GRIP1: variants seen among roughly 807,000 people sequenced by gnomAD.
GRIP1 encodes glutamate receptor-interacting protein 1.
A neutral mutation model predicts 129.9 loss-of-function variants in GRIP1; 45 were observed. That is an observed-to-expected ratio of 0.35 (90% CI 0.27 to 0.44). The LOEUF (loss-of-function observed/expected upper bound fraction) is 0.44, where lower values mean the gene tolerates loss of function less well. Among genes scored for constraint, GRIP1 ranks in the 20% least tolerant of loss-of-function variants. The pLI is 1.00. For synonymous variants in GRIP1, 530 were observed against 520.8 expected (o/e 1.02, Z -0.24); for missense variants, 1,196 against 1,396.8 (o/e 0.86, Z 2.29).
intron 11 of GRIP1, among the ~76,000 whole-genome samples, chr12:66,453,044 G>A (rs142408518): frequency 1.2e-4 from 19 of 152,130 alleles, no homozygotes; most frequent in Non-Finnish European, 1.5e-5. Flanking sequence ...AATGTCTACA[G>A]CAAACACAAA....
chr12:66,780,134 C>A (rs976162415), intron 1 of GRIP1, among the ~76,000 whole-genome samples: 3 of 152,122 alleles, frequency 2.0e-5, no homozygotes, highest in African/African-American at 7.2e-5. Context: ...GGTCAAAACC[C>A]TAAGGACAAC....
At chr12:67,053,896 T>C (rs1035958446) in intron 1 of GRIP1, among the ~76,000 whole-genome samples, 2 of 152,070 alleles carry the variant, frequency 1.3e-5, no homozygotes, top group East Asian at 3.9e-4. Flanking sequence ...TTAAAAATCA[T>C]GTGGATCCTC....
chr12:66,800,453 G>A (rs555786224), intron 1 of GRIP1, among the ~76,000 whole-genome samples: 2 of 152,264 alleles, frequency 1.3e-5, no homozygotes, highest in Non-Finnish European at 1.5e-5. Context: ...TCTTTCTCAA[G>A]TAATTCAGCT....
intron 7 of GRIP1, among the ~76,000 whole-genome samples, chr12:66,505,567 A>G (rs984511596): frequency 6.6e-5 from 10 of 152,226 alleles, no homozygotes; most frequent in African/African-American, 2.2e-4. Context: ...ATTTTGCTAC[A>G]ATGTAATAGA....
At chr12:66,678,808 T>C (rs747133200) in intron 1 of GRIP1, 42 bp downstream of exon 1, 1 of 1,574,798 alleles carries the variant, frequency 6.4e-7, no homozygotes, top group Admixed American at 1.7e-5. Context: ...TATAGGATAC[T>C]GCAACAGACT....
intron 1 of GRIP1, among the ~76,000 whole-genome samples, chr12:66,626,090 C>T (rs967415643): frequency 1.3e-5 from 2 of 151,974 alleles, no homozygotes; most frequent in African/African-American, 2.4e-5. Context: ...TTTGGGAGGC[C>T]GACGTGGGCA....
At chr12:66,959,297 G>T (rs2041888698) in intron 1 of GRIP1, among the ~76,000 whole-genome samples, 1 of 151,446 alleles carries the variant, frequency 6.6e-6, no homozygotes, top group South Asian at 2.1e-4. Flanking sequence ...GTTTTGTTTG[G>T]TTTTTTGCTT....
chr12:66,871,697 T>C (rs1023815642), intron 1 of GRIP1, among the ~76,000 whole-genome samples: 1 of 152,068 alleles, frequency 6.6e-6, no homozygotes, highest in African/African-American at 2.4e-5. Context: ...GCCTAAAGGG[T>C]AAAGACTGCA....
intron 9 of GRIP1, among the ~76,000 whole-genome samples, chr12:66,460,167 A>G (rs994057530): frequency 1.3e-5 from 2 of 152,172 alleles, no homozygotes; most frequent in Admixed American, 1.3e-4. Context: ...ACGTGATCCT[A>G]AAGTCCCCGC....
chr12:66,597,054 C>A, intron 1 of GRIP1, 127 bp from the exon 2 acceptor site: 1 of 754,794 alleles, frequency 1.3e-6, no homozygotes. Context: ...GTCGGTAGGC[C>A]TGGGTCCTAT....
intron 23 of GRIP1, among the ~76,000 whole-genome samples, chr12:66,366,446 G>A (rs1310690612): frequency 1.3e-5 from 2 of 152,184 alleles, no homozygotes; most frequent in African/African-American, 4.8e-5. Flanking sequence ...ACTGAACTTG[G>A]CAGGGGGAAA....
At chr12:66,645,914 T>C (rs1453873410) in intron 1 of GRIP1, among the ~76,000 whole-genome samples, 1 of 152,186 alleles carries the variant, frequency 6.6e-6, no homozygotes, top group Non-Finnish European at 1.5e-5. Context: ...TGTAAGCGTC[T>C]AGGGCTTCGG....
chr12:66,365,570 C>G (rs1300889633), intron 23 of GRIP1, among the ~76,000 whole-genome samples: 6 of 152,216 alleles, frequency 3.9e-5, no homozygotes, highest in Non-Finnish European at 8.8e-5. Context: ...TTATTTAAAG[C>G]ATACAAGCCA....
intron 23 of GRIP1, among the ~76,000 whole-genome samples, chr12:66,365,004 T>C (rs1164761202): frequency 6.6e-6 from 1 of 152,210 alleles, no homozygotes; most frequent in African/African-American, 2.4e-5. Flanking sequence ...TCATTTTCTC[T>C]GACTTACAGA....
In GRIP1 at chr12:66,455,451, T is replaced by C; in HGVS notation, c.1312A>G (p.Met438Val). 1 of 1,614,108 alleles carries C rather than the reference T, an allele frequency of 6.2e-7. No homozygotes were observed. Among genetic ancestry groups the C allele is most frequent in the Non-Finnish European group, 8.5e-7 (1 of 1,179,940 alleles). ...TTCTTTTTCAGTCTCCTCCTCATCA[T>C]GGTTCCACGTGGGCTGGTGGAGTAG... ...SLYSTSPRGT[M>V]MRRRLKKKDF... is the part of the protein sequence containing the mutation. Residue 438 changes from methionine to valine, a missense_variant, in exon 11 of 25, where the codon ATG becomes GTG. Physicochemically the swap from Met to Val is conservative, Grantham distance 21. Coordinates refer to ENST00000359742, the MANE Select transcript of GRIP1 (RefSeq NM_001366722.1).
intron 7 of GRIP1, among the ~76,000 whole-genome samples, chr12:66,483,014 G>C (rs917793685): frequency 3.9e-5 from 6 of 152,144 alleles, no homozygotes; most frequent in Admixed American, 3.3e-4. Flanking sequence ...GCTGATGACT[G>C]TTTGCATGGG....
intron 1 of GRIP1, among the ~76,000 whole-genome samples, chr12:66,623,354 G>C (rs186024643): frequency 3.5e-4 from 54 of 152,184 alleles, no homozygotes; most frequent in Non-Finnish European, 6.8e-4. Flanking sequence ...GCAGTATTCA[G>C]GAAATGAAAC....
At chr12:66,455,358 T>C (rs374880167) in intron 11 of GRIP1, 51 bp downstream of exon 11, 3 of 1,563,914 alleles carry the variant, frequency 1.9e-6, no homozygotes, top group Admixed American at 1.7e-5. Flanking sequence ...AAGGCTCCAT[T>C]GCCCACAGGT....
At chr12:66,349,389 C>A in intron 24 of GRIP1, 143 bp from the exon 25 acceptor site, 2 of 715,970 alleles carry the variant, frequency 2.8e-6, no homozygotes, top group African/African-American at 1.7e-5. Flanking sequence ...TGTGACTATG[C>A]TGTGACATGG....
Sources: gnomAD v4.1 joint callset for allele counts (sites outside exome capture counted in the v4.1 genomes callset) on GRCh38, gnomAD v4.1.1 for gene constraint, MANE v1.5 for transcripts, NCBI Gene and HGNC (gene_info 2026-07-23, HGNC 2026-07-21) for gene names.